Variants in BTBD2 observed in about 807,000 individuals in gnomAD.
BTBD2 encodes BTB domain containing 2.
BTBD2 carries 15 observed loss-of-function variants against 44.0 expected under a neutral mutation model. The ratio of observed to expected loss-of-function variants is 0.34; its 90% confidence interval spans 0.23 to 0.53. The LOEUF (loss-of-function observed/expected upper bound fraction) is 0.53. Ranked by LOEUF, BTBD2 falls within the 20% of genes least tolerant of loss-of-function variation. BTBD2 has a pLI of 0.95. For missense variants in BTBD2, 657 were observed against 746.4 expected (o/e 0.88, Z 1.39); for synonymous variants, 443 against 335.9 (o/e 1.32, Z -3.49).
At position 1,986,319 on chromosome 19, in the gene BTBD2, T is replaced by C; in HGVS notation, c.*169A>G. ...CCTGATCCAGCAGCCACACTCGTGG[T>C]GAACACAGGGCAACCCCGTCCTGAT... On this transcript the variant is annotated 3_prime_UTR_variant, in exon 9 of 9. Coordinates refer to ENST00000255608, the MANE Select transcript of BTBD2 (RefSeq NM_017797.4). 1.2e-6 allele frequency: 1 copy of C among 837,898 alleles called. No homozygotes were observed. Among genetic ancestry groups the C allele is most frequent in the Non-Finnish European group, 1.8e-6 (1 of 543,606 alleles). 51.9% of individuals were successfully genotyped at this position (837,898 alleles called of 1,614,324 possible).
At chr19:2,002,206 C>G (rs1053087599) in intron 1 of BTBD2, among the ~76,000 whole-genome samples, 1 of 152,126 alleles carries the variant, frequency 6.6e-6, no homozygotes, top group Non-Finnish European at 1.5e-5. Flanking sequence ...CTCAGCCTCC[C>G]GGTAGCTGGG....
At chr19:1,998,326 G>A (rs994594297) in intron 1 of BTBD2, among the ~76,000 whole-genome samples, 2 of 152,196 alleles carry the variant, frequency 1.3e-5, no homozygotes, top group Admixed American at 6.5e-5. Flanking sequence ...AGAGAGGAGC[G>A]TGGTCCCATC....
chr19:2,012,354 G>C (rs991498592), intron 1 of BTBD2, among the ~76,000 whole-genome samples: 1 of 150,752 alleles, frequency 6.6e-6, no homozygotes, highest in East Asian at 1.9e-4. Context: ...GTTTCACCGT[G>C]TTGACCAGGC....
intron 2 of BTBD2, among the ~76,000 whole-genome samples, chr19:1,994,968 TC>T (rs2016231126): frequency 6.6e-6 from 1 of 152,268 alleles, no homozygotes; most frequent in East Asian, 1.9e-4. Context: ...TTCTGGTTTT[TC>T]TTTTTTTGTT....
At chr19:1,988,741 T>G (rs1485940987) in intron 5 of BTBD2, among the ~76,000 whole-genome samples, 2 of 151,928 alleles carry the variant, frequency 1.3e-5, no homozygotes, top group East Asian at 3.9e-4. Context: ...ATAGCTGGGT[T>G]TACAGGCATG....
At chr19:1,992,979 C>G in intron 3 of BTBD2, 41 bp downstream of exon 3, 1 of 1,428,240 alleles carries the variant, frequency 7.0e-7, no homozygotes, top group East Asian at 3.1e-5. Flanking sequence ...CGCCTCCAGC[C>G]AGGCCTGGCC....
intron 1 of BTBD2, among the ~76,000 whole-genome samples, chr19:2,015,018 C>G (rs997918965): frequency 2.0e-5 from 3 of 146,492 alleles, no homozygotes; most frequent in Non-Finnish European, 4.5e-5. Context: ...GTGCAGGCCC[C>G]GGGGTGCAGG....
chr19:2,005,397 C>G (rs1177419103), intron 1 of BTBD2, among the ~76,000 whole-genome samples: 1 of 152,102 alleles, frequency 6.6e-6, no homozygotes, highest in Non-Finnish European at 1.5e-5. Context: ...CTCACTGCAG[C>G]CTTGACTTCC....
At chr19:2,006,686 ATTAAGT>A in intron 1 of BTBD2, among the ~76,000 whole-genome samples, 1 of 151,764 alleles carries the variant, frequency 6.6e-6, no homozygotes, top group South Asian at 2.1e-4. Flanking sequence ...GTTTTTGTAA[ATTAAGT>A]TTTTTTTTTT....
intron 3 of BTBD2, 141 bp downstream of exon 3, chr19:1,992,879 C>G (rs1408785125): frequency 5.7e-6 from 5 of 871,068 alleles, no homozygotes; most frequent in Non-Finnish European, 7.7e-6. Context: ...GCCCAAAACA[C>G]ATTTTACTAC....
At chr19:2,012,546 G>C (rs971349231) in intron 1 of BTBD2, among the ~76,000 whole-genome samples, 11 of 152,190 alleles carry the variant, frequency 7.2e-5, no homozygotes, top group African/African-American at 2.7e-4. Context: ...CAAGGCCTCC[G>C]GTCAGCGAGA....
chr19:1,994,026 A>AAAAAC, intron 2 of BTBD2, among the ~76,000 whole-genome samples: 1 of 129,514 alleles, frequency 7.7e-6, no homozygotes, highest in African/African-American at 3.2e-5. Flanking sequence ...AAAAAAAAAA[A>AAAAAC]AGCAGCACAG....
intron 2 of BTBD2, among the ~76,000 whole-genome samples, chr19:1,994,435 G>A (rs189179382): frequency 1.3e-5 from 2 of 152,122 alleles, no homozygotes; most frequent in South Asian, 4.2e-4. Context: ...TTGGAAACCA[G>A]TGTGGGCATG....
intron 2 of BTBD2, 40 bp downstream of exon 2, chr19:1,997,304 C>A (rs1466815877): frequency 1.2e-6 from 2 of 1,612,916 alleles, no homozygotes; most frequent in African/African-American, 2.7e-5. Flanking sequence ...TCCCCCTCCC[C>A]AGGCCCAGCT....
rs1344844584 is a variant in BTBD2, at chr19:1,997,868, GCATT to G, written c.408-409_408-406del. On this transcript the variant is annotated intron_variant, in intron 1 of 8. Coordinates refer to ENST00000255608, the MANE Select transcript of BTBD2 (RefSeq NM_017797.4). ...CATGCATTCACTCGCTCATTCACAT[GCATT>G]CATTCACACAGGCGTTCATTCACTC... Among the ~76,000 whole-genome samples, 11 of 152,278 alleles carry G rather than the reference GCATT, an allele frequency of 7.2e-5. No homozygotes were observed. The South Asian group carries it at 1.0e-3, about 14-fold the overall frequency.
intron 2 of BTBD2, among the ~76,000 whole-genome samples, chr19:1,996,560 A>AAG (rs1555686703): frequency 6.0e-5 from 9 of 151,248 alleles, no homozygotes; most frequent in African/African-American, 1.7e-4. Context: ...AAAAAAAAAA[A>AAG]AAGAAGGAAA....
At position 2,015,346 on chromosome 19, in the gene BTBD2, GCA is replaced by G; in HGVS notation, c.356_357del (p.Val119AlafsTer28). Reference protein sequence around the residue: ...FLFNNEVLCDVHFLVGKGLSS... With the variant: ...FLFNNEVLCDXHFLVGKGLSS... ...CTGAGCCCCTTGCCCACCAGGAAGT[GCA>G]CGTCGCACAGCACCTCGTTGTTGAA... On this transcript the variant is annotated frameshift_variant, in exon 1 of 9. Transcript: ENST00000255608. LOFTEE classifies it high-confidence loss of function. 6.3e-7 allele frequency: 1 copy of G among 1,584,360 alleles called. No homozygotes were observed. The highest frequency in any genetic ancestry group is 8.5e-7 in the Non-Finnish European group (1 of 1,172,584).
At chr19:1,990,975 C>G in intron 3 of BTBD2, 153 bp from the exon 4 acceptor site, 1 of 667,208 alleles carries the variant, frequency 1.5e-6, no homozygotes. Context: ...ACCAGGCCGG[C>G]CCTGTTGTGG....
chr19:2,002,538 G>A (rs1171848645), intron 1 of BTBD2: 1 of 152,226 alleles, frequency 6.6e-6, no homozygotes, highest in East Asian at 1.9e-4. Flanking sequence ...CACCTGTGGG[G>A]TCTGTGCTCA....
Sources: allele counts gnomAD v4.1 joint callset (sites outside exome capture counted in the v4.1 genomes callset), GRCh38; gene constraint gnomAD v4.1.1; transcripts MANE v1.5; gene names NCBI Gene and HGNC (gene_info 2026-07-23, HGNC 2026-07-21).